FHIT: variants seen among roughly 807,000 people sequenced by gnomAD.
FHIT encodes the protein bis(5'-adenosyl)-triphosphatase.
Under a neutral mutation model 17.9 loss-of-function variants are expected in FHIT, and 19 were observed. The ratio of observed to expected loss-of-function variants is 1.06; its 90% CI spans 0.74 to 1.56. FHIT has a LOEUF of 1.56. Among genes scored for constraint, FHIT ranks in the 40% most tolerant of loss-of-function variants. FHIT has a pLI of 0.00. For synonymous variants in FHIT, 81 were observed against 69.7 expected, an observed-to-expected ratio of 1.16 and a Z score of -0.81; for missense variants, 248 against 189.2, an observed-to-expected ratio of 1.31 and a Z score of -1.82.
chr3:60,700,846 T>C (rs1553701931), intron 4 of FHIT, among the ~76,000 whole-genome samples: 1 of 152,206 alleles, frequency 6.6e-6, no homozygotes, highest in Non-Finnish European at 1.5e-5. Flanking sequence ...GCATGTCTCT[T>C]GGTCACTTAA....
chr3:59,936,502 C>T (rs761570854), intron 7 of FHIT, among the ~76,000 whole-genome samples: 2 of 152,128 alleles, frequency 1.3e-5, no homozygotes, highest in Non-Finnish European at 2.9e-5. Context: ...ACATTTACTG[C>T]TCCATGAATA....
chr3:59,839,318 C>CA (rs11288370), intron 8 of FHIT, among the ~76,000 whole-genome samples: 169 of 132,604 alleles, frequency 1.3e-3, no homozygotes, highest in African/African-American at 4.2e-3. Flanking sequence ...ACTTCATTTT[C>CA]AAAAAAAAAA....
At chr3:60,931,122 C>A (rs1369983175) in intron 3 of FHIT, among the ~76,000 whole-genome samples, 1 of 151,842 alleles carries the variant, frequency 6.6e-6, no homozygotes, top group African/African-American at 2.4e-5. Flanking sequence ...GGAGAAAAAA[C>A]CAAACACTGC....
chr3:61,209,038 C>G (rs1193216688), intron 1 of FHIT, among the ~76,000 whole-genome samples: 2 of 151,960 alleles, frequency 1.3e-5, no homozygotes, highest in Non-Finnish European at 2.9e-5. Flanking sequence ...TCAGCATTTG[C>G]TTGTCTGTAA....
chr3:60,430,649 C>T (rs988747175), intron 5 of FHIT, among the ~76,000 whole-genome samples: 5 of 152,150 alleles, frequency 3.3e-5, no homozygotes, highest in Admixed American at 6.5e-5. Context: ...TTATAACTCT[C>T]ATCTGGTATT....
chr3:61,183,319 T>C (rs747412565), intron 2 of FHIT, among the ~76,000 whole-genome samples: 3 of 94,704 alleles, frequency 3.2e-5, no homozygotes, highest in Non-Finnish European at 6.3e-5. Context: ...CAACCACAAG[T>C]GAATGAATGA....
chr3:60,095,382 T>C (rs966996949), intron 5 of FHIT, among the ~76,000 whole-genome samples: 19 of 152,314 alleles, frequency 1.2e-4, no homozygotes, highest in African/African-American at 4.6e-4. Flanking sequence ...GTGCTTTTTC[T>C]ATTGTTTTTC....
At chr3:59,943,298 C>T (rs1231972301) in intron 7 of FHIT, among the ~76,000 whole-genome samples, 1 of 151,814 alleles carries the variant, frequency 6.6e-6, no homozygotes, top group Non-Finnish European at 1.5e-5. Context: ...TTTTTTAAAC[C>T]TGGGCTCAAA....
intron 4 of FHIT, among the ~76,000 whole-genome samples, chr3:60,596,632 T>G (rs782538958): frequency 7.9e-5 from 12 of 152,156 alleles, no homozygotes; most frequent in Non-Finnish European, 1.3e-4. Flanking sequence ...TGCACCCCTG[T>G]ATTCTACTTC....
At chr3:60,500,771 T>TTAAAAAAAAAAAAAAAAAAAAA (rs751877681) in intron 5 of FHIT, among the ~76,000 whole-genome samples, 3 of 64,864 alleles carry the variant, frequency 4.6e-5, no homozygotes, top group African/African-American at 1.8e-4. Flanking sequence ...AGCATCCATC[T>TTAAAAAAAAAAAAAAAAAAAAA]AAAAAAAAAA....
intron 5 of FHIT, among the ~76,000 whole-genome samples, chr3:60,497,115 G>C (rs2034330702): frequency 6.6e-6 from 1 of 151,910 alleles, no homozygotes; most frequent in South Asian, 2.1e-4. Flanking sequence ...TTCACAACTA[G>C]GAGGGGGCAT....
At chr3:61,015,307 T>C (rs1208318968) in intron 3 of FHIT, among the ~76,000 whole-genome samples, 1 of 152,104 alleles carries the variant, frequency 6.6e-6, no homozygotes, top group African/African-American at 2.4e-5. Context: ...AGCCTCTCTG[T>C]ATGTAACTTT....
intron 5 of FHIT, among the ~76,000 whole-genome samples, chr3:60,218,111 T>G (rs995164177): frequency 2.0e-5 from 3 of 152,136 alleles, no homozygotes; most frequent in African/African-American, 7.2e-5. Flanking sequence ...ATATGGCAAA[T>G]ATCAATAGAT....
chr3:60,270,180 G>A (rs1325429287), intron 5 of FHIT, among the ~76,000 whole-genome samples: 1 of 152,154 alleles, frequency 6.6e-6, no homozygotes, highest in Non-Finnish European at 1.5e-5. Flanking sequence ...CCACGCAGGC[G>A]CATGGAGCCC....
intron 5 of FHIT, among the ~76,000 whole-genome samples, chr3:60,534,437 C>G (rs1330298623): frequency 3.5e-4 from 2 of 5,758 alleles, no homozygotes; most frequent in East Asian, 0.016. Context: ...GAGACTCCGT[C>G]TCAAAAAAAA....
chr3:60,554,553 C>T (rs969434313), intron 4 of FHIT, among the ~76,000 whole-genome samples: 3 of 152,190 alleles, frequency 2.0e-5, no homozygotes, highest in African/African-American at 7.2e-5. Flanking sequence ...AAATCTGAAT[C>T]AACTGTGATC....
chr3:60,510,630 C>CGA (rs1553638144), intron 5 of FHIT, among the ~76,000 whole-genome samples: 3 of 151,648 alleles, frequency 2.0e-5, no homozygotes, highest in Non-Finnish European at 2.9e-5. Context: ...GCTTCCAAGA[C>CGA]AGAGATGTGA....
At chr3:60,695,904 T>C (rs1452116906) in intron 4 of FHIT, among the ~76,000 whole-genome samples, 2 of 152,194 alleles carry the variant, frequency 1.3e-5, no homozygotes, top group African/African-American at 2.4e-5. Context: ...TAGTATCTGA[T>C]ACATGTCTGA....
intron 4 of FHIT, among the ~76,000 whole-genome samples, chr3:60,716,909 A>C (rs868961432): frequency 4.6e-5 from 7 of 152,294 alleles, no homozygotes; most frequent in Middle Eastern, 3.4e-3. Context: ...TCTGTCATTG[A>C]CCAGACCATT....
Sources: gnomAD v4.1 joint callset for allele counts (sites outside exome capture counted in the v4.1 genomes callset) on GRCh38, gnomAD v4.1.1 for gene constraint, MANE v1.5 for transcripts, NCBI Gene and HGNC (gene_info 2026-07-23, HGNC 2026-07-21) for gene names.